The following PTPRS variants were observed in gnomAD, a reference collection of about 807,000 sequenced individuals.
PTPRS encodes protein tyrosine phosphatase receptor type S.
Under a neutral mutation model 215.3 loss-of-function variants are expected in PTPRS, and 63 were observed. That is an observed-to-expected ratio of 0.29 (90% CI 0.24 to 0.36). The LOEUF (loss-of-function observed/expected upper bound fraction) is 0.36. Ranked by LOEUF, PTPRS falls within the 10% of genes least tolerant of loss-of-function variation. The pLI, the probability that PTPRS is intolerant of heterozygous loss-of-function variation, is 1.00. For synonymous variants in PTPRS, 1,404 were observed against 1,191.4 expected, an observed-to-expected ratio of 1.18 and a Z score of -3.68; for missense variants, 2,258 against 2,825.8, an observed-to-expected ratio of 0.80 and a Z score of 4.56.
At chr19:5,314,837 T>C (rs952675407) in intron 1 of PTPRS, among the ~76,000 whole-genome samples, 2 of 152,182 alleles carry the variant, frequency 1.3e-5, no homozygotes, top group Admixed American at 1.3e-4. Flanking sequence ...ATCAGGGGCT[T>C]AGATCAGGGG....
chr19:5,207,787 G>T, intron 37 of PTPRS, 135 bp downstream of exon 37: 1 of 1,291,810 alleles, frequency 7.7e-7, no homozygotes, highest in Non-Finnish European at 1.1e-6. Flanking sequence ...GTGCGGGAGG[G>T]GTCTGTGGAC....
At chr19:5,273,317 G>C (rs2047077745) in intron 4 of PTPRS, 125 bp downstream of exon 4, 1 of 1,374,052 alleles carries the variant, frequency 7.3e-7, no homozygotes, top group Non-Finnish European at 1.0e-6. Flanking sequence ...GGATAAGGGA[G>C]ATCAAGGTCC....
intron 1 of PTPRS, among the ~76,000 whole-genome samples, chr19:5,326,333 C>T (rs957936873): frequency 3.3e-5 from 5 of 152,220 alleles, no homozygotes; most frequent in Admixed American, 3.3e-4. Context: ...TTAAACACCT[C>T]AGGGGTGCTC....
intron 4 of PTPRS, among the ~76,000 whole-genome samples, chr19:5,269,742 G>A (rs1022645351): frequency 2.6e-5 from 4 of 152,020 alleles, no homozygotes; most frequent in African/African-American, 9.7e-5. Flanking sequence ...CCAACATGGC[G>A]AAACACTGTG....
rs753404858 is a variant in PTPRS, at chr19:5,214,767, T to TG, written c.4319-32dup. The TG allele has an allele frequency of 5.7e-6, 9 of 1,577,646 alleles. No homozygotes were observed. The African/African-American group carries it at 9.4e-5, about 17-fold the overall frequency. On this transcript the variant is annotated intron_variant, in intron 28 of 37. Transcript: ENST00000262963. ...GCCAGGGCGAGAGGCCAGGGATCTG[T>TG]GGGGGCTGTCTTGCTAGTTTGGCTC...
At chr19:5,241,493 AGGCT>A (rs1417395634) in intron 11 of PTPRS, among the ~76,000 whole-genome samples, 1 of 151,922 alleles carries the variant, frequency 6.6e-6, no homozygotes, top group Admixed American at 6.6e-5. Flanking sequence ...TATGTTGCCC[AGGCT>A]GGTCTTGAAC....
rs573998098 is a variant in PTPRS at position 5,286,121 on chromosome 19, G to A, written c.20C>T (p.Pro7Leu). 2.5e-5 allele frequency: 41 copies of A among 1,614,142 alleles called. No individual in the cohort carries two copies. Among genetic ancestry groups the A allele is most frequent in the South Asian group, 7.7e-5 (7 of 91,084 alleles). Residue 7 changes from proline to leucine, a missense_variant, in exon 2 of 38, where the codon CCT becomes CTT. Physicochemically the swap from Pro to Leu is moderately conservative, Grantham distance 98. Coordinates refer to ENST00000262963, the MANE Select transcript of PTPRS (RefSeq NM_002850.4). Reference sequence around the variant, plus strand: ...GGGACCAACCACAGACACCATGCCAGGGCCCCAGGTGGGCGCCATGCTTGG... The same window carrying A: ...GGGACCAACCACAGACACCATGCCAAGGCCCCAGGTGGGCGCCATGCTTGG... Reference protein sequence around the residue: MAPTWGPGMVSVVGPMG... With the variant: MAPTWGLGMVSVVGPMG...
At position 5,237,368 on chromosome 19, in the gene PTPRS, CG is replaced by C. The variant is rs1296383907; in HGVS notation, c.1849+1550del. ...GCCCCACCCGTCTCGGGGCAAGAAG[CG>C]GGGAGTCCCTTCTCCCCAACTCCCT... On this transcript the variant is annotated intron_variant, in intron 13 of 37. Coordinates refer to ENST00000262963, the MANE Select transcript of PTPRS (RefSeq NM_002850.4). This position sits in a 1 kb window ranked among gnomAD's most constrained non-coding sequence, Gnocchi z 4.2. Among the ~76,000 whole-genome samples the C allele has an allele frequency of 1.3e-5, 2 of 152,234 alleles. No homozygotes were observed. Among genetic ancestry groups the C allele is most frequent in the Non-Finnish European group, 1.5e-5 (1 of 68,046 alleles).
At chr19:5,296,966 A>G (rs1280668602) in intron 1 of PTPRS, among the ~76,000 whole-genome samples, 3 of 152,120 alleles carry the variant, frequency 2.0e-5, no homozygotes, top group Admixed American at 6.5e-5. Context: ...GGCAGACCCA[A>G]TAGAATTTTC....
At chr19:5,298,209 T>C (rs1388631826) in intron 1 of PTPRS, among the ~76,000 whole-genome samples, 1 of 152,206 alleles carries the variant, frequency 6.6e-6, no homozygotes, top group African/African-American at 2.4e-5. Context: ...CAATTCCCAC[T>C]TGTTTATCCC....
chr19:5,284,820 C>T (rs547250640), intron 2 of PTPRS, among the ~76,000 whole-genome samples: 2 of 152,002 alleles, frequency 1.3e-5, no homozygotes, highest in African/African-American at 2.4e-5. Context: ...TGGTGGCCCA[C>T]GCCTGTAGTC....
intron 30 of PTPRS, among the ~76,000 whole-genome samples, chr19:5,212,842 C>CA (rs58760144): frequency 0.44 from 63,222 of 144,490 alleles, 13,786 homozygotes; most frequent in East Asian, 0.59. Flanking sequence ...AACTCCATCT[C>CA]AAAAAAAAAA....
At chr19:5,263,661 C>A (rs750005801) in intron 5 of PTPRS, among the ~76,000 whole-genome samples, 7 of 152,254 alleles carry the variant, frequency 4.6e-5, no homozygotes, top group African/African-American at 1.7e-4. Context: ...GCATGTGCAG[C>A]CACACGTGTG....
rs115361851 is a variant in PTPRS at position 5,273,581 on chromosome 19, C to T, written c.240G>A (p.Thr80=). ...GKKVNSQRFE[T]IEFDESAGAV... ...CCCCTGCACTCTCATCAAACTCAATCGTCTGCCATGGGCAGGGGAAAAAAG... is the reference window on the plus strand; with the variant it reads ...CCCCTGCACTCTCATCAAACTCAATTGTCTGCCATGGGCAGGGGAAAAAAG... The change falls in exon 4 of 38, where the codon ACG becomes ACA. Residue 80 remains threonine (T), a splice_region_variant and synonymous_variant. Transcript: ENST00000262963. 6.4e-4 allele frequency: 1,029 copies of T among 1,614,124 alleles called. 9 individuals are homozygous for T. In the African/African-American group the frequency reaches 0.013, roughly 20 times the overall value.
In PTPRS at chr19:5,276,233, T is replaced by C. The variant is rs188321889; in HGVS notation, c.92-1889A>G. ...AGTAGGAGTGTTTTTGTTTTTGTTT[T>C]TGTTTTTTGAGATGAAGTGTTGCTC... On this transcript the variant is annotated intron_variant, in intron 2 of 37. Coordinates refer to ENST00000262963, the MANE Select transcript of PTPRS (RefSeq NM_002850.4). Among the ~76,000 whole-genome samples, 11 of 152,304 alleles carry C rather than the reference T, an allele frequency of 7.2e-5. No homozygotes were observed. In the East Asian group the frequency reaches 2.1e-3, roughly 29 times the overall value.
intron 18 of PTPRS, 38 bp from the exon 19 acceptor site, chr19:5,222,258 A>G (rs759394024): frequency 2.4e-5 from 37 of 1,558,210 alleles, no homozygotes; most frequent in Non-Finnish European, 3.2e-5. Flanking sequence ...AGAGCAGAAG[A>G]GAGGCCCCAT....
intron 20 of PTPRS, among the ~76,000 whole-genome samples, 166 bp from the exon 21 acceptor site, chr19:5,220,519 G>A (rs906849924): frequency 2.6e-5 from 4 of 152,230 alleles, no homozygotes; most frequent in Non-Finnish European, 4.4e-5. Context: ...GCTGACTCAG[G>A]CCTCCAGGCC....
chr19:5,223,468 G>T (rs2042194713), intron 17 of PTPRS, among the ~76,000 whole-genome samples, 171 bp from the exon 18 acceptor site: 1 of 151,808 alleles, frequency 6.6e-6, no homozygotes, highest in South Asian at 2.1e-4. Context: ...ACGGCTCACT[G>T]CAGCCTCGAA....
Position 5,339,907 on chromosome 19 carries a change from A to T in PTPRS, c.-95+757T>A, listed in dbSNP as rs866384710. On this transcript the variant is annotated intron_variant, in intron 1 of 37. Coordinates refer to ENST00000262963, the MANE Select transcript of PTPRS (RefSeq NM_002850.4). The surrounding 1 kb of genome is among the most constrained non-coding windows in gnomAD (Gnocchi z 4.2). ...CTGGGCGTGCGCGTCTGCCTGCCAGAGCCCCTGGGGCTGGGGGCTGAGGCT... is the reference window on the plus strand; with the variant it reads ...CTGGGCGTGCGCGTCTGCCTGCCAGTGCCCCTGGGGCTGGGGGCTGAGGCT... 2.0e-5 allele frequency among the ~76,000 whole-genome samples: 3 copies of T among 151,494 alleles called. No individual in the cohort carries two copies. Among genetic ancestry groups the T allele is most frequent in the Non-Finnish European group, 4.4e-5 (3 of 67,778 alleles).
Sources: allele counts gnomAD v4.1 joint callset (sites outside exome capture counted in the v4.1 genomes callset), GRCh38; gene constraint gnomAD v4.1.1; non-coding constraint Gnocchi (gnomAD v3.1); transcripts MANE v1.5; gene names NCBI Gene and HGNC (gene_info 2026-07-23, HGNC 2026-07-21).